The following DLG2 variants were observed in gnomAD, a reference collection of about 807,000 sequenced individuals.
DLG2 encodes the protein disks large homolog 2.
A neutral mutation model predicts 132.5 loss-of-function variants in DLG2; 45 were observed. That is an observed-to-expected ratio of 0.34 (90% confidence interval 0.27 to 0.44). The LOEUF (loss-of-function observed/expected upper bound fraction) is 0.44. DLG2 is among the 20% of genes least tolerant of loss of function. The pLI, the probability that DLG2 is intolerant of heterozygous loss-of-function variation, is 1.00. For missense variants in DLG2, 1,045 were observed against 1,196.9 expected (o/e 0.87, Z 1.87); for synonymous variants, 424 against 419.6 (o/e 1.01, Z -0.13).
chr11:84,469,437 A>C (rs1446251102), intron 7 of DLG2, among the ~76,000 whole-genome samples: 1 of 151,638 alleles, frequency 6.6e-6, no homozygotes, highest in Non-Finnish European at 1.5e-5. Context: ...AAATTCAGGA[A>C]ATCATTTAAA....
At chr11:85,510,658 A>G (rs2153156034) in intron 3 of DLG2, among the ~76,000 whole-genome samples, 1 of 152,354 alleles carries the variant, frequency 6.6e-6, no homozygotes, top group South Asian at 2.1e-4. Context: ...AATGCAAATC[A>G]AAACCACAAT....
chr11:85,356,001 A>G (rs977151609), intron 3 of DLG2, among the ~76,000 whole-genome samples: 58 of 152,334 alleles, frequency 3.8e-4, no homozygotes, highest in Admixed American at 2.9e-3. Flanking sequence ...CCAAAGGGTA[A>G]TAGCTTTAGC....
intron 3 of DLG2, among the ~76,000 whole-genome samples, chr11:85,369,628 C>T (rs1176776082): frequency 1.3e-5 from 2 of 152,144 alleles, no homozygotes; most frequent in Non-Finnish European, 2.9e-5. Flanking sequence ...GTTTGTGCTC[C>T]AAGCCTCCAT....
At chr11:84,038,954 C>T (rs2095964940) in intron 11 of DLG2, among the ~76,000 whole-genome samples, 1 of 152,016 alleles carries the variant, frequency 6.6e-6, no homozygotes, top group African/African-American at 2.4e-5. Flanking sequence ...TAACTTCCCT[C>T]ATGATTCAAT....
intron 18 of DLG2, among the ~76,000 whole-genome samples, chr11:83,710,557 A>T (rs2085168274): frequency 1.3e-5 from 2 of 152,188 alleles, no homozygotes. Flanking sequence ...AGGAACAAAG[A>T]GCAGTGGTAT....
chr11:84,511,203 G>A lies in DLG2; in HGVS notation c.519+23367C>T, dbSNP rs57233397. Among the ~76,000 whole-genome samples the A allele has an allele frequency of 2.3e-3, 344 of 152,180 alleles. 1 individual carries two copies. The highest frequency in any genetic ancestry group is 7.9e-3 in the African/African-American group (329 of 41,544). On this transcript the variant is annotated intron_variant, in intron 7 of 27. Transcript: ENST00000376104. The stretch of plus-strand genomic sequence containing the variant: ...CTTACATCAAGTTTCTTGACACCAA[G>A]TGTGGAATTTTTTTTTCTAATTTTG...
At chr11:83,545,800 A>G (rs1013230317) in intron 19 of DLG2, among the ~76,000 whole-genome samples, 4 of 152,064 alleles carry the variant, frequency 2.6e-5, no homozygotes, top group Non-Finnish European at 2.9e-5. Context: ...GATTACATTT[A>G]TTCAGACTTG....
intron 7 of DLG2, among the ~76,000 whole-genome samples, chr11:84,445,871 G>C (rs1438540820): frequency 2.1e-5 from 3 of 144,444 alleles, no homozygotes; most frequent in Non-Finnish European, 4.5e-5. Flanking sequence ...AGCCGAGATG[G>C]TGTCACTGCA....
At chr11:83,958,773 G>A (rs1479654647) in intron 14 of DLG2, among the ~76,000 whole-genome samples, 1 of 152,064 alleles carries the variant, frequency 6.6e-6, no homozygotes, top group East Asian at 1.9e-4. Context: ...CTGTTACCAG[G>A]TAATCCTTGA....
intron 18 of DLG2, among the ~76,000 whole-genome samples, chr11:83,746,022 A>G (rs1186219663): frequency 6.6e-6 from 1 of 152,204 alleles, no homozygotes; most frequent in African/African-American, 2.4e-5. Flanking sequence ...CAAAATCACA[A>G]TGAGTTACCA....
intron 5 of DLG2, among the ~76,000 whole-genome samples, chr11:85,136,255 ATTTG>A (rs1305302569): frequency 6.6e-6 from 1 of 152,186 alleles, no homozygotes; most frequent in Non-Finnish European, 1.5e-5. Context: ...TTATATATTC[ATTTG>A]TTTGTATTCG....
At chr11:85,210,117 T>A (rs1420480056) in intron 4 of DLG2, among the ~76,000 whole-genome samples, 2 of 152,162 alleles carry the variant, frequency 1.3e-5, no homozygotes, top group Non-Finnish European at 2.9e-5. Context: ...TAATTATTTA[T>A]CTTGTTGATC....
intron 6 of DLG2, among the ~76,000 whole-genome samples, chr11:84,814,492 C>T (rs925789823): frequency 1.3e-5 from 2 of 152,080 alleles, no homozygotes; most frequent in African/African-American, 4.8e-5. Context: ...GCCTTTCTAA[C>T]ATGAGAGTCT....
chr11:84,407,368 C>T (rs2098859533), intron 7 of DLG2, among the ~76,000 whole-genome samples: 1 of 152,082 alleles, frequency 6.6e-6, no homozygotes, highest in South Asian at 2.1e-4. Context: ...TCTTTTGTTG[C>T]CTTTCACGGC....
chr11:84,350,034 G>A (rs558878853), intron 7 of DLG2, among the ~76,000 whole-genome samples: 14 of 151,760 alleles, frequency 9.2e-5, no homozygotes, highest in Admixed American at 2.6e-4. Flanking sequence ...AAAAATTAGC[G>A]GGGCGTGGTG....
intron 7 of DLG2, among the ~76,000 whole-genome samples, chr11:84,522,286 G>A (rs2099305490): frequency 6.6e-6 from 1 of 152,072 alleles, no homozygotes; most frequent in African/African-American, 2.4e-5. Flanking sequence ...GAAAATCTCT[G>A]GAACACCAGT....
intron 21 of DLG2, among the ~76,000 whole-genome samples, chr11:83,523,063 A>G (rs1464669375): frequency 1.3e-5 from 2 of 152,200 alleles, no homozygotes; most frequent in African/African-American, 2.4e-5. Flanking sequence ...CTGCATCTTT[A>G]TCTTTCAGTG....
intron 3 of DLG2, among the ~76,000 whole-genome samples, chr11:85,530,670 G>A (rs73499170): frequency 0.011 from 1,730 of 152,242 alleles, 29 homozygotes; most frequent in African/African-American, 0.039. Flanking sequence ...TTCTGAGTTT[G>A]CCTATTGCTC....
intron 21 of DLG2, among the ~76,000 whole-genome samples, chr11:83,497,248 T>C (rs894255708): frequency 3.9e-5 from 6 of 152,086 alleles, no homozygotes; most frequent in Admixed American, 2.0e-4. Flanking sequence ...AATGGAAGAA[T>C]AAGAACCATA....
Sources: allele counts gnomAD v4.1 joint callset (sites outside exome capture counted in the v4.1 genomes callset), GRCh38; gene constraint gnomAD v4.1.1; transcripts MANE v1.5; gene names NCBI Gene and HGNC (gene_info 2026-07-23, HGNC 2026-07-21).